NCAM2: variants seen among roughly 807,000 people sequenced by gnomAD.
NCAM2 encodes N-CAM-2.
In NCAM2, 30 loss-of-function variants were observed where a neutral mutation model predicts 98.1. The ratio of observed to expected loss-of-function variants is 0.31; its 90% CI spans 0.23 to 0.41. The LOEUF is 0.41. Among genes scored for constraint, NCAM2 ranks in the 10% least tolerant of loss-of-function variants. The pLI is 1.00. For synonymous variants in NCAM2, 368 were observed against 342.4 expected (o/e 1.07, Z -0.83); for missense variants, 867 against 1,005.8 (o/e 0.86, Z 1.87).
intron 1 of NCAM2, among the ~76,000 whole-genome samples, chr21:21,132,378 A>C (rs549657031): frequency 4.6e-5 from 6 of 129,522 alleles, no homozygotes; most frequent in Non-Finnish European, 8.1e-5. Flanking sequence ...CCTGTACTTA[A>C]TCACATCTGT....
chr21:21,233,046 T>A (rs1174495364), intron 1 of NCAM2, among the ~76,000 whole-genome samples: 1 of 151,646 alleles, frequency 6.6e-6, no homozygotes, highest in African/African-American at 2.4e-5. Context: ...TTCTATTTTT[T>A]AAAAAAATTC....
chr21:21,120,952 A>G (rs2066661594), intron 1 of NCAM2, among the ~76,000 whole-genome samples: 1 of 151,884 alleles, frequency 6.6e-6, no homozygotes, highest in Non-Finnish European at 1.5e-5. Context: ...TCCTGACCTC[A>G]TGATCCACCC....
intron 8 of NCAM2, among the ~76,000 whole-genome samples, chr21:21,362,371 C>T (rs1389953177): frequency 6.6e-6 from 1 of 151,190 alleles, no homozygotes; most frequent in African/African-American, 2.4e-5. Flanking sequence ...GCTGTGACAA[C>T]CTGCTTTTCC....
chr21:21,267,224 A>T (rs149923850), intron 1 of NCAM2, among the ~76,000 whole-genome samples: 14 of 152,290 alleles, frequency 9.2e-5, no homozygotes, highest in African/African-American at 3.4e-4. Flanking sequence ...AATTTTTCTT[A>T]GCATTGATTG....
chr21:21,328,609 TAAAC>T (rs1483201731), intron 6 of NCAM2, among the ~76,000 whole-genome samples: 6 of 150,732 alleles, frequency 4.0e-5, no homozygotes, highest in African/African-American at 9.7e-5. Flanking sequence ...GATAAAAACT[TAAAC>T]AAGAAAAAAT....
intron 11 of NCAM2, among the ~76,000 whole-genome samples, chr21:21,429,256 G>A (rs576871395): frequency 3.9e-5 from 6 of 152,292 alleles, no homozygotes; most frequent in South Asian, 4.1e-4. Flanking sequence ...AAAAAACAAA[G>A]GCTCTTCTTT....
intron 15 of NCAM2, among the ~76,000 whole-genome samples, chr21:21,486,409 G>C (rs1450217852): frequency 3.3e-5 from 5 of 151,118 alleles, no homozygotes; most frequent in Admixed American, 6.6e-5. Flanking sequence ...TCCATTTATA[G>C]GGCAAGTTTT....
intron 1 of NCAM2, among the ~76,000 whole-genome samples, chr21:21,265,005 C>T (rs200047684): frequency 7.5e-3 from 38 of 5,084 alleles, no homozygotes; most frequent in Non-Finnish European, 0.012. Flanking sequence ...TGTATATATA[C>T]ACATATATAT....
At chr21:21,223,089 T>C (rs927645642) in intron 1 of NCAM2, among the ~76,000 whole-genome samples, 1 of 152,174 alleles carries the variant, frequency 6.6e-6, no homozygotes, top group Non-Finnish European at 1.5e-5. Context: ...TTTCCTTTTA[T>C]TTTATGCAAC....
Position 21,213,841 on chromosome 21 carries a change from G to A in NCAM2, c.56-66737G>A, listed in dbSNP as rs145673726. ...TCTTATAAAATAAAACCTGCCTAAT[G>A]TAAACATACACATAGTATTTAGGGG... On this transcript the variant is annotated intron_variant, in intron 1 of 17. Coordinates refer to ENST00000400546, the MANE Select transcript of NCAM2 (RefSeq NM_004540.5). Among the ~76,000 whole-genome samples, 525 of 152,242 alleles carry A rather than the reference G, an allele frequency of 3.4e-3. 4 individuals are homozygous for A. Among genetic ancestry groups the A allele is most frequent in the Non-Finnish European group, 6.5e-3 (442 of 67,986 alleles).
intron 1 of NCAM2, among the ~76,000 whole-genome samples, chr21:21,044,117 C>G (rs1279193804): frequency 1.3e-5 from 2 of 152,006 alleles, no homozygotes; most frequent in East Asian, 3.9e-4. Flanking sequence ...ATACATTTTA[C>G]CTACCAAAAT....
intron 1 of NCAM2, among the ~76,000 whole-genome samples, chr21:21,211,899 T>C (rs543524099): frequency 6.6e-6 from 1 of 152,306 alleles, no homozygotes; most frequent in African/African-American, 2.4e-5. Context: ...TTCCCAGTTC[T>C]TTACCTCAAC....
In NCAM2 at chr21:21,273,285, T is replaced by C. The variant is rs539363891; in HGVS notation, c.56-7293T>C. ...TTATTGTGGGTATGCATAGTAAATA[T>C]CATATATGTTTGTAGTACAGGAAGA... On this transcript the variant is annotated intron_variant, in intron 1 of 17. Transcript: ENST00000400546. 1.2e-4 allele frequency among the ~76,000 whole-genome samples: 18 copies of C among 151,062 alleles called. No homozygotes were observed. The South Asian group carries it at 3.7e-3, about 31-fold the overall frequency.
intron 9 of NCAM2, among the ~76,000 whole-genome samples, chr21:21,397,228 A>C (rs1254312227): frequency 2.6e-5 from 4 of 151,850 alleles, no homozygotes; most frequent in African/African-American, 4.8e-5. Context: ...AGAAGTTATC[A>C]CTCTGGGCCA....
At chr21:21,166,024 A>G (rs1041713308) in intron 1 of NCAM2, among the ~76,000 whole-genome samples, 1 of 152,078 alleles carries the variant, frequency 6.6e-6, no homozygotes, top group Admixed American at 6.6e-5. Context: ...TGTGATGCCT[A>G]TTGCTTTATT....
At chr21:21,339,012 A>G (rs1334985495) in intron 8 of NCAM2, among the ~76,000 whole-genome samples, 1 of 152,130 alleles carries the variant, frequency 6.6e-6, no homozygotes, top group Admixed American at 6.6e-5. Context: ...ATATTTAGAA[A>G]ACACTGTGGT....
At chr21:21,137,583 A>T (rs1316639957) in intron 1 of NCAM2, among the ~76,000 whole-genome samples, 2 of 151,998 alleles carry the variant, frequency 1.3e-5, no homozygotes, top group African/African-American at 4.8e-5. Flanking sequence ...ACATGGAGAA[A>T]CCCTGTCTCT....
At chr21:21,263,243 A>AT (rs1281878007) in intron 1 of NCAM2, among the ~76,000 whole-genome samples, 1 of 152,098 alleles carries the variant, frequency 6.6e-6, no homozygotes, top group Non-Finnish European at 1.5e-5. Context: ...CAAGAGCTCC[A>AT]TTTTATTTAC....
At chr21:21,371,941 A>G (rs79946652) in intron 8 of NCAM2, among the ~76,000 whole-genome samples, 412 of 151,756 alleles carry the variant, frequency 2.7e-3, no homozygotes, top group African/African-American at 9.4e-3. Context: ...TGATCCATCA[A>G]TCTCCCAAAA....
Sources: allele counts gnomAD v4.1 joint callset (sites outside exome capture counted in the v4.1 genomes callset), GRCh38; gene constraint gnomAD v4.1.1; transcripts MANE v1.5; gene names NCBI Gene and HGNC (gene_info 2026-07-23, HGNC 2026-07-21).